ZBTB7C: variants seen among roughly 807,000 people sequenced by gnomAD.
ZBTB7C encodes the protein zinc finger and BTB domain-containing protein 7C.
In ZBTB7C, 8 loss-of-function variants were observed where a neutral mutation model predicts 25.7. The ratio of observed to expected loss-of-function variants is 0.31; its 90% CI spans 0.18 to 0.56. ZBTB7C has a LOEUF of 0.56. Among genes scored for constraint, ZBTB7C ranks in the 20% least tolerant of loss-of-function variants. The probability of loss-of-function intolerance (pLI) is 0.91; values close to 1 mark genes in which losing one functional copy is unlikely to be tolerated. For missense variants in ZBTB7C, 824 were observed against 855.2 expected (o/e 0.96, Z 0.46); for synonymous variants, 394 against 369.0 (o/e 1.07, Z -0.78).
At chr18:48,090,101 G>A (rs1165422763) in intron 3 of ZBTB7C, among the ~76,000 whole-genome samples, 5 of 152,350 alleles carry the variant, frequency 3.3e-5, no homozygotes, top group South Asian at 2.1e-4. Flanking sequence ...GACCCATCGC[G>A]GGAAGTGCCA....
chr18:48,398,029 A>G (rs1164652846), intron 1 of ZBTB7C, among the ~76,000 whole-genome samples: 1 of 152,052 alleles, frequency 6.6e-6, no homozygotes, highest in African/African-American at 2.4e-5. Flanking sequence ...TGTCACCTTC[A>G]AGCCTGCTGA....
intron 1 of ZBTB7C, among the ~76,000 whole-genome samples, chr18:48,358,325 C>A (rs191975385): frequency 6.6e-6 from 1 of 151,916 alleles, no homozygotes; most frequent in Non-Finnish European, 1.5e-5. Flanking sequence ...GCACTCCAGC[C>A]TGGGTGACTG....
At chr18:48,393,452 G>C (rs376698960) in intron 1 of ZBTB7C, among the ~76,000 whole-genome samples, 2 of 152,128 alleles carry the variant, frequency 1.3e-5, no homozygotes, top group South Asian at 2.1e-4. Flanking sequence ...TCACTATAAA[G>C]TCAGTCACTG....
chr18:48,275,029 A>G (rs2044604966), intron 2 of ZBTB7C, among the ~76,000 whole-genome samples: 1 of 152,226 alleles, frequency 6.6e-6, no homozygotes, highest in Non-Finnish European at 1.5e-5. Flanking sequence ...TCCAACTTGA[A>G]GCCAAAGTTA....
At chr18:48,338,798 T>C (rs940752820) in intron 1 of ZBTB7C, among the ~76,000 whole-genome samples, 6 of 152,122 alleles carry the variant, frequency 3.9e-5, no homozygotes, top group African/African-American at 7.2e-5. Flanking sequence ...AGGAGATGCA[T>C]GTTCTCGCAT....
At chr18:48,094,106 C>T (rs2038527772) in intron 3 of ZBTB7C, among the ~76,000 whole-genome samples, 1 of 152,104 alleles carries the variant, frequency 6.6e-6, no homozygotes, top group Non-Finnish European at 1.5e-5. Flanking sequence ...TAACCAAAAC[C>T]CAAAGGGTGG....
chr18:48,406,789 C>T (rs1456993288), intron 1 of ZBTB7C, among the ~76,000 whole-genome samples: 1 of 152,242 alleles, frequency 6.6e-6, no homozygotes, highest in Non-Finnish European at 1.5e-5. Flanking sequence ...GATTGACACA[C>T]ATTGCATCCA....
intron 2 of ZBTB7C, among the ~76,000 whole-genome samples, chr18:48,287,805 C>G (rs902436057): frequency 6.6e-6 from 1 of 152,126 alleles, no homozygotes; most frequent in Non-Finnish European, 1.5e-5. Context: ...TTAAAAGAGA[C>G]TAATCATATA....
At chr18:48,048,970 A>G (rs2036581025) in intron 3 of ZBTB7C, among the ~76,000 whole-genome samples, 1 of 152,218 alleles carries the variant, frequency 6.6e-6, no homozygotes, top group Admixed American at 6.5e-5. Flanking sequence ...CACATGGCAA[A>G]TCAGTGTCAG....
intron 3 of ZBTB7C, chr18:48,149,556 A>C (rs911333005): frequency 2.0e-5 from 3 of 152,178 alleles, no homozygotes; most frequent in Non-Finnish European, 4.4e-5. Flanking sequence ...CCTTCACCCC[A>C]CTGCAAGGCC....
Position 48,039,948 on chromosome 18 carries a change from G to C in ZBTB7C, c.1160C>G (p.Thr387Ser), listed in dbSNP as rs776594058. The part of the protein sequence containing the change: ...GKLPRHMRTH[T>S]GEKPYMCTIC... ...GGTGCACATGTATGGCTTCTCCCCG[G>C]TATGGGTCCTCATGTGCCGCGGCAG... Residue 387 changes from threonine to serine, a missense_variant, in exon 4 of 5, where the codon ACC becomes AGC. By Grantham distance (58) the Thr-to-Ser change is moderately conservative (BLOSUM62 1). Around this residue, in one of 4 missense-constraint regions of ZBTB7C, gnomAD observed 49 missense variants for 81.3 expected, o/e 0.60. Transcript: ENST00000590800. The C allele has an allele frequency of 9.9e-6, 16 of 1,613,752 alleles. No individual in the cohort carries two copies. The highest frequency in any genetic ancestry group is 1.4e-5 in the Non-Finnish European group (16 of 1,180,038).
intron 3 of ZBTB7C, among the ~76,000 whole-genome samples, chr18:48,099,575 G>T (rs2038758208): frequency 6.6e-6 from 1 of 152,172 alleles, no homozygotes; most frequent in African/African-American, 2.4e-5. Context: ...TCTACCAAAG[G>T]CGTGTGAGAG....
chr18:48,381,421 G>A (rs4245266), intron 1 of ZBTB7C, among the ~76,000 whole-genome samples: 110,416 of 152,138 alleles, frequency 0.73, 40,195 homozygotes, highest in East Asian at 0.76. Flanking sequence ...AGATCCAGAG[G>A]TTGAAGTAGT....
chr18:48,062,520 T>C (rs1050962860), intron 3 of ZBTB7C, among the ~76,000 whole-genome samples: 6 of 152,234 alleles, frequency 3.9e-5, no homozygotes, highest in Non-Finnish European at 7.3e-5. Context: ...GTGCCAGGTA[T>C]TGAGCTGGGC....
intron 3 of ZBTB7C, among the ~76,000 whole-genome samples, chr18:48,123,676 G>A (rs1260134992): frequency 6.6e-6 from 1 of 152,170 alleles, no homozygotes; most frequent in Non-Finnish European, 1.5e-5. Context: ...CTTTCAAACA[G>A]GGAAAACAAT....
chr18:48,256,895 G>A (rs986741460), intron 2 of ZBTB7C, among the ~76,000 whole-genome samples: 3 of 151,664 alleles, frequency 2.0e-5, no homozygotes, highest in Non-Finnish European at 4.4e-5. Flanking sequence ...GGAGATAAAA[G>A]GGAATCACAA....
chr18:48,164,270 C>G (rs2041166478), intron 3 of ZBTB7C, among the ~76,000 whole-genome samples: 1 of 152,154 alleles, frequency 6.6e-6, no homozygotes, highest in Non-Finnish European at 1.5e-5. Flanking sequence ...AGGCATGTTC[C>G]CGGTCCCAGC....
At chr18:48,187,943 G>T (rs1370776722) in intron 2 of ZBTB7C, among the ~76,000 whole-genome samples, 1 of 151,946 alleles carries the variant, frequency 6.6e-6, no homozygotes, top group East Asian at 1.9e-4. Context: ...AGATGTAAAA[G>T]TTCTAGGATG....
chr18:48,110,515 G>A (rs780126742), intron 3 of ZBTB7C, among the ~76,000 whole-genome samples: 14 of 152,190 alleles, frequency 9.2e-5, no homozygotes, highest in African/African-American at 2.7e-4. Flanking sequence ...TGTGCTAGGC[G>A]GTTCCTCGCT....
Sources: allele counts gnomAD v4.1 joint callset (sites outside exome capture counted in the v4.1 genomes callset), GRCh38; gene constraint gnomAD v4.1.1; regional missense constraint gnomAD v4.1.1; transcripts MANE v1.5; gene names NCBI Gene and HGNC (gene_info 2026-07-23, HGNC 2026-07-21).